The following LRFN2 variants were observed in gnomAD, a reference collection of about 807,000 sequenced individuals.
LRFN2 encodes leucine rich repeat and fibronectin type III domain containing 2.
A neutral mutation model predicts 37.3 loss-of-function variants in LRFN2; 18 were observed. The observed-to-expected ratio is 0.48, with a 90% CI of 0.33 to 0.72. LRFN2 has a LOEUF of 0.72. Ranked by LOEUF, LRFN2 falls within the 30% of genes least tolerant of loss-of-function variation. LRFN2 has a pLI of 0.02. For missense variants in LRFN2, 1,006 were observed against 1,060.7 expected (o/e 0.95, Z 0.72); for synonymous variants, 556 against 466.6 (o/e 1.19, Z -2.47).
intron 2 of LRFN2, among the ~76,000 whole-genome samples, chr6:40,400,843 T>C (rs1762723067): frequency 1.3e-5 from 2 of 151,760 alleles, no homozygotes; most frequent in African/African-American, 2.4e-5. Flanking sequence ...TGTGAGAAGA[T>C]GTGTGTCTAA....
In LRFN2 at chr6:40,431,874, C is replaced by T; in HGVS notation, c.1240G>A (p.Gly414Ser). ...KTSRGGGGSG[G>S]GEPPKSPPER... ...GGGGGGCTTTTGGGAGGCTCTCCGC[C>T]CCCACTGCCTCCACCTCCCCGGCTG... The change falls in exon 2 of 3, where the codon GGC becomes AGC. Residue 414 changes from glycine (G) to serine (S), a missense_variant. This residue lies in a region of LRFN2 where 303 missense variants were observed against 299.8 expected (regional missense o/e 1.01). Coordinates refer to ENST00000338305, the MANE Select transcript of LRFN2 (RefSeq NM_020737.3). 2 of 1,603,408 alleles carry T rather than the reference C, an allele frequency of 1.2e-6. No homozygotes were observed. Among genetic ancestry groups the T allele is most frequent in the Non-Finnish European group, 1.7e-6 (2 of 1,173,470 alleles).
At chr6:40,487,986 A>T (rs1033449567) in intron 1 of LRFN2, among the ~76,000 whole-genome samples, 1 of 152,174 alleles carries the variant, frequency 6.6e-6, no homozygotes, top group African/African-American at 2.4e-5. Context: ...TCAGCATAGC[A>T]GTCCCCAGGC....
At chr6:40,420,017 T>A (rs1013664614) in intron 2 of LRFN2, among the ~76,000 whole-genome samples, 2 of 152,200 alleles carry the variant, frequency 1.3e-5, no homozygotes, top group East Asian at 3.8e-4. Flanking sequence ...CTTCATTTCC[T>A]GCCGCTCACC....
intron 1 of LRFN2, among the ~76,000 whole-genome samples, chr6:40,578,632 A>G (rs1767337438): frequency 6.6e-6 from 1 of 152,198 alleles, no homozygotes; most frequent in South Asian, 2.1e-4. Flanking sequence ...TTTCCTAAGT[A>G]TGGTCCTCTC....
chr6:40,583,904 T>C (rs1767452485), intron 1 of LRFN2, among the ~76,000 whole-genome samples: 1 of 152,210 alleles, frequency 6.6e-6, no homozygotes, highest in South Asian at 2.1e-4. Flanking sequence ...GTATTTTACA[T>C]TCAAACCTCA....
At chr6:40,399,226 C>A (rs1762677294) in intron 2 of LRFN2, among the ~76,000 whole-genome samples, 5 of 151,662 alleles carry the variant, frequency 3.3e-5, no homozygotes, top group Admixed American at 3.3e-4. Flanking sequence ...CATGCCATCT[C>A]CTCCTGTGTC....
At chr6:40,413,057 T>C (rs1205706659) in intron 2 of LRFN2, among the ~76,000 whole-genome samples, 1 of 152,112 alleles carries the variant, frequency 6.6e-6, no homozygotes, top group East Asian at 1.9e-4. Flanking sequence ...TCTGGAGGCT[T>C]ATCTCTTCTT....
At chr6:40,544,317 CTGT>C (rs1451746557) in intron 1 of LRFN2, among the ~76,000 whole-genome samples, 1 of 152,202 alleles carries the variant, frequency 6.6e-6, no homozygotes, top group Non-Finnish European at 1.5e-5. Flanking sequence ...TTATTGAGGC[CTGT>C]TGTTGGTTTT....
chr6:40,470,283 A>T (rs1731395229), intron 1 of LRFN2, among the ~76,000 whole-genome samples: 1 of 152,190 alleles, frequency 6.6e-6, no homozygotes, highest in Admixed American at 6.5e-5. Context: ...CCACAGAGAA[A>T]TGGAGCCAAG....
chr6:40,492,409 G>GCCCCC, intron 1 of LRFN2, among the ~76,000 whole-genome samples: 1 of 152,148 alleles, frequency 6.6e-6, no homozygotes, highest in South Asian at 2.1e-4. Flanking sequence ...CTCTGGCACT[G>GCCCCC]AGCTGGAAGC....
intron 1 of LRFN2, among the ~76,000 whole-genome samples, chr6:40,537,682 C>T (rs1766475979): frequency 6.6e-6 from 1 of 152,126 alleles, no homozygotes; most frequent in Non-Finnish European, 1.5e-5. Flanking sequence ...CCCACCAGAC[C>T]ACAAGCTCCA....
At chr6:40,491,629 AGT>A (rs1765099686) in intron 1 of LRFN2, among the ~76,000 whole-genome samples, 1 of 136,886 alleles carries the variant, frequency 7.3e-6, no homozygotes, top group Admixed American at 7.5e-5. Context: ...ACCCTCTCTG[AGT>A]GTGTTTCCCT....
Position 40,518,259 on chromosome 6 carries a change from C to T in LRFN2, c.-19+68682G>A, listed in dbSNP as rs929013670. Among the ~76,000 whole-genome samples the T allele has an allele frequency of 2.0e-5, 3 of 152,190 alleles. No homozygotes were observed. The East Asian group carries it at 5.8e-4, about 29-fold the overall frequency. On this transcript the variant is annotated intron_variant, in intron 1 of 2. Coordinates refer to ENST00000338305, the MANE Select transcript of LRFN2 (RefSeq NM_020737.3). ...ATGTAACATCTTATTTAATCCTATGCTAATTTTATTCTGTTCCCTGCTCTC... is the reference window on the plus strand; with the variant it reads ...ATGTAACATCTTATTTAATCCTATGTTAATTTTATTCTGTTCCCTGCTCTC...
At chr6:40,524,856 T>C (rs983129100) in intron 1 of LRFN2, among the ~76,000 whole-genome samples, 2 of 152,242 alleles carry the variant, frequency 1.3e-5, no homozygotes, top group East Asian at 3.9e-4. Flanking sequence ...GGAAACTGAG[T>C]CAGGGGTCAG....
intron 1 of LRFN2, among the ~76,000 whole-genome samples, chr6:40,446,841 C>T (rs1274008684): frequency 6.6e-6 from 1 of 152,192 alleles, no homozygotes; most frequent in Non-Finnish European, 1.5e-5. Context: ...CCCCCTCAGA[C>T]TGGGGCTCCC....
intron 1 of LRFN2, among the ~76,000 whole-genome samples, chr6:40,544,436 T>C (rs577300887): frequency 1.3e-5 from 2 of 152,360 alleles, no homozygotes; most frequent in Admixed American, 1.3e-4. Flanking sequence ...TGAGCATTTC[T>C]CAGTGGATTT....
In LRFN2 at chr6:40,540,064, CATGG is replaced by C. The variant is rs372458169; in HGVS notation, c.-19+46873_-19+46876del. Among the ~76,000 whole-genome samples, 598 of 152,232 alleles carry C rather than the reference CATGG, an allele frequency of 3.9e-3. 6 individuals are homozygous for C. Among genetic ancestry groups the C allele is most frequent in the African/African-American group, 0.013 (559 of 41,542 alleles). On this transcript the variant is annotated intron_variant, in intron 1 of 2. Coordinates refer to ENST00000338305, the MANE Select transcript of LRFN2 (RefSeq NM_020737.3). ...GTCACAGCCCTGGCGCCGCACAGGC[CATGG>C]ATGCAGTAGTTGAGAGAACACATGT...
chr6:40,399,996 T>C (rs1010581263), intron 2 of LRFN2, among the ~76,000 whole-genome samples: 18 of 151,762 alleles, frequency 1.2e-4, no homozygotes, highest in African/African-American at 4.1e-4. Flanking sequence ...CTTGATCCCA[T>C]TGCACACAGT....
At chr6:40,492,487 A>G (rs9357332) in intron 1 of LRFN2, among the ~76,000 whole-genome samples, 12,231 of 152,248 alleles carry the variant, frequency 0.08, 721 homozygotes, top group East Asian at 0.18. Context: ...GATCTGGCGT[A>G]TGTGTGCAGT....
Sources: gnomAD v4.1 joint callset for allele counts (sites outside exome capture counted in the v4.1 genomes callset) on GRCh38, gnomAD v4.1.1 for gene constraint, gnomAD v4.1.1 regional missense constraint, MANE v1.5 for transcripts, NCBI Gene and HGNC (gene_info 2026-07-23, HGNC 2026-07-21) for gene names.